The following CERS6 variants were observed in gnomAD, a reference collection of about 807,000 sequenced individuals.
CERS6 encodes ceramide synthase 6.
A neutral mutation model predicts 56.8 loss-of-function variants in CERS6; 26 were observed. The ratio of observed to expected loss-of-function variants is 0.46; its 90% CI spans 0.34 to 0.63. The LOEUF (loss-of-function observed/expected upper bound fraction) is 0.63. CERS6 is among the 30% of genes least tolerant of loss of function. The pLI, the probability that CERS6 is intolerant of heterozygous loss-of-function variation, is 0.01. For synonymous variants in CERS6, 164 were observed against 173.3 expected (o/e 0.95, Z 0.42); for missense variants, 415 against 467.5 (o/e 0.89, Z 1.04).
chr2:168,470,597 A>G (rs1693958835), intron 1 of CERS6, among the ~76,000 whole-genome samples: 1 of 152,204 alleles, frequency 6.6e-6, no homozygotes, highest in South Asian at 2.1e-4. Flanking sequence ...TACTGAGACC[A>G]TAAACTTTTT....
intron 8 of CERS6, among the ~76,000 whole-genome samples, chr2:168,722,470 G>A (rs2105399562): frequency 6.6e-6 from 1 of 152,194 alleles, no homozygotes; most frequent in East Asian, 1.9e-4. Flanking sequence ...ATGGTAGAAG[G>A]TAGGTATCCA....
intron 4 of CERS6, among the ~76,000 whole-genome samples, chr2:168,664,488 A>C (rs1325623435): frequency 6.6e-6 from 1 of 152,242 alleles, no homozygotes; most frequent in Non-Finnish European, 1.5e-5. Context: ...AAGTTTATTA[A>C]GAATGTAAGG....
chr2:168,468,109 G>A (rs1241293218), intron 1 of CERS6, among the ~76,000 whole-genome samples: 1 of 152,128 alleles, frequency 6.6e-6, no homozygotes, highest in Non-Finnish European at 1.5e-5. Flanking sequence ...GGGACCTGTG[G>A]AAAACCATTT....
chr2:168,635,744 G>T (rs1684847489), intron 4 of CERS6, among the ~76,000 whole-genome samples: 1 of 152,152 alleles, frequency 6.6e-6, no homozygotes, highest in Non-Finnish European at 1.5e-5. Flanking sequence ...GGTTGAGAGT[G>T]CCCCGTCAGA....
rs1034099569 is a variant in CERS6, at chr2:168,771,735, T to A, written c.*2073T>A. On this transcript the variant is annotated 3_prime_UTR_variant, in exon 10 of 10. Transcript: ENST00000305747. ...ACTTTAGAGATCCATGTGTTCAGGT[T>A]TAGATCATATGACACTCGAGCACAG... is the stretch of plus-strand genomic sequence containing the variant. 4 of 152,202 alleles carry A rather than the reference T, an allele frequency of 2.6e-5. No individual in the cohort carries two copies. Among genetic ancestry groups the A allele is most frequent in the Admixed American group, 2.6e-4 (4 of 15,270 alleles). The allele number at this position is 152,202 out of a possible 1,614,324, so 9.4% of individuals were successfully genotyped here.
intron 2 of CERS6, among the ~76,000 whole-genome samples, chr2:168,550,575 C>T (rs191916445): frequency 1.3e-5 from 2 of 152,184 alleles, no homozygotes; most frequent in African/African-American, 2.4e-5. Context: ...GGGGGCCCCA[C>T]CCTGTGACTT....
At chr2:168,513,628 C>T (rs1226486692) in intron 1 of CERS6, among the ~76,000 whole-genome samples, 1 of 152,144 alleles carries the variant, frequency 6.6e-6, no homozygotes. Flanking sequence ...CATATACCAC[C>T]GTGGATGTTG....
At chr2:168,700,263 G>A (rs939836044) in intron 6 of CERS6, among the ~76,000 whole-genome samples, 6 of 152,200 alleles carry the variant, frequency 3.9e-5, no homozygotes, top group African/African-American at 1.4e-4. Flanking sequence ...TTTGGGGGCC[G>A]TGTCATGCTC....
chr2:168,595,056 A>G (rs1683766864), intron 3 of CERS6, among the ~76,000 whole-genome samples: 1 of 152,194 alleles, frequency 6.6e-6, no homozygotes, highest in Non-Finnish European at 1.5e-5. Context: ...ACTCTTAGGT[A>G]CAGGAAGGCA....
chr2:168,576,765 T>C (rs373651324), intron 3 of CERS6, among the ~76,000 whole-genome samples: 34 of 152,312 alleles, frequency 2.2e-4, no homozygotes, highest in African/African-American at 7.7e-4. Flanking sequence ...CATACACATA[T>C]GTTTTTCATG....
intron 2 of CERS6, among the ~76,000 whole-genome samples, chr2:168,553,969 T>C (rs1695630498): frequency 6.6e-6 from 1 of 152,176 alleles, no homozygotes; most frequent in South Asian, 2.1e-4. Flanking sequence ...TATTTAATAG[T>C]ACCAGAGTAA....
chr2:168,705,802 T>C (rs1389216581), intron 6 of CERS6, among the ~76,000 whole-genome samples: 1 of 152,052 alleles, frequency 6.6e-6, no homozygotes, highest in Non-Finnish European at 1.5e-5. Context: ...TTATTTGATA[T>C]CATAAAGGGT....
intron 6 of CERS6, among the ~76,000 whole-genome samples, chr2:168,711,427 G>T (rs930574238): frequency 2.0e-5 from 3 of 152,142 alleles, no homozygotes; most frequent in African/African-American, 7.2e-5. Context: ...AAAATAACCT[G>T]ATCCAGTCTC....
chr2:168,741,107 A>G (rs1019247522), intron 8 of CERS6, among the ~76,000 whole-genome samples: 2 of 152,114 alleles, frequency 1.3e-5, no homozygotes, highest in African/African-American at 4.8e-5. Flanking sequence ...CTCTGGATAA[A>G]CCCTGTATGC....
At chr2:168,652,303 T>C (rs1395906146) in intron 4 of CERS6, among the ~76,000 whole-genome samples, 2 of 152,148 alleles carry the variant, frequency 1.3e-5, no homozygotes, top group Non-Finnish European at 2.9e-5. Flanking sequence ...GTACTCAAAA[T>C]ATTGCCTCTA....
chr2:168,510,536 C>G (rs751501408), intron 1 of CERS6, among the ~76,000 whole-genome samples: 1 of 152,190 alleles, frequency 6.6e-6, no homozygotes, highest in Non-Finnish European at 1.5e-5. Context: ...TGAGTACACT[C>G]TGTGTTGTTT....
At chr2:168,566,168 A>G (rs908685812) in intron 3 of CERS6, among the ~76,000 whole-genome samples, 1 of 152,206 alleles carries the variant, frequency 6.6e-6, no homozygotes, top group Non-Finnish European at 1.5e-5. Context: ...CTGGGAGGAA[A>G]TATAATACAG....
intron 1 of CERS6, among the ~76,000 whole-genome samples, chr2:168,534,318 T>G (rs1218105303): frequency 6.6e-6 from 1 of 152,104 alleles, no homozygotes; most frequent in Non-Finnish European, 1.5e-5. Context: ...GGGTTTTCAG[T>G]GTTTTTTCCT....
chr2:168,670,860 T>C (rs1685889641), intron 4 of CERS6, among the ~76,000 whole-genome samples: 1 of 150,892 alleles, frequency 6.6e-6, no homozygotes, highest in Admixed American at 6.7e-5. Flanking sequence ...CACTAGAAAA[T>C]AAGTTCTGTG....
Sources: allele counts gnomAD v4.1 joint callset (sites outside exome capture counted in the v4.1 genomes callset), GRCh38; gene constraint gnomAD v4.1.1; transcripts MANE v1.5; gene names NCBI Gene and HGNC (gene_info 2026-07-23, HGNC 2026-07-21).